Variants in CNOT6 observed in about 807,000 individuals in gnomAD.
The protein encoded by CNOT6 is CCR4-NOT transcription complex subunit 6.
In CNOT6, 12 loss-of-function variants were observed where a neutral mutation model predicts 61.2. The observed-to-expected ratio is 0.20, with a 90% CI of 0.13 to 0.32. The LOEUF (loss-of-function observed/expected upper bound fraction) is 0.32. CNOT6 is among the 10% of genes least tolerant of loss of function. The probability of loss-of-function intolerance (pLI) is 1.00; values close to 1 mark genes in which losing one functional copy is unlikely to be tolerated. For synonymous variants in CNOT6, 225 were observed against 240.6 expected (o/e 0.94, Z 0.60); for missense variants, 405 against 663.9 (o/e 0.61, Z 4.28).
At position 180,564,877 on chromosome 5, in the gene CNOT6, A is replaced by G. The variant is rs1245298829; in HGVS notation, c.559+134A>G. On this transcript the variant is annotated intron_variant, in intron 6 of 11. Transcript: ENST00000261951. ...GTTGGTTTGGTTTGGGAGGTAATAA[A>G]AAAGAATTCTTGCTCACATGACCTC... The G allele has an allele frequency of 7.4e-6, 5 of 678,796 alleles. No homozygotes were observed. The African/African-American group carries it at 9.1e-5, about 12-fold the overall frequency. The allele number at this position is 678,796 out of a possible 1,614,324, so 42.0% of individuals were successfully genotyped here.
intron 2 of CNOT6, among the ~76,000 whole-genome samples, chr5:180,535,450 C>G (rs1400513739): frequency 6.6e-6 from 1 of 152,176 alleles, no homozygotes; most frequent in Non-Finnish European, 1.5e-5. Flanking sequence ...AGGATAACGG[C>G]CTCCAGTTCT....
At chr5:180,558,282 G>A (rs1443044353) in intron 4 of CNOT6, among the ~76,000 whole-genome samples, 1 of 152,136 alleles carries the variant, frequency 6.6e-6, no homozygotes, top group Non-Finnish European at 1.5e-5. Context: ...CGCATGGGAG[G>A]AGAGGGAGAT....
At chr5:180,518,365 A>G (rs149638388) in intron 1 of CNOT6, among the ~76,000 whole-genome samples, 291 of 152,314 alleles carry the variant, frequency 1.9e-3, no homozygotes, top group Non-Finnish European at 3.1e-3. Context: ...CTTTCTTGGT[A>G]TTAGAGCTTG....
intron 1 of CNOT6, among the ~76,000 whole-genome samples, chr5:180,501,296 C>T (rs950199174): frequency 6.6e-6 from 1 of 152,098 alleles, no homozygotes; most frequent in Non-Finnish European, 1.5e-5. Flanking sequence ...GACAGACTAG[C>T]CATGAGCTAT....
chr5:180,566,600 T>C (rs1760469753), intron 7 of CNOT6, among the ~76,000 whole-genome samples: 1 of 151,792 alleles, frequency 6.6e-6, no homozygotes, highest in Admixed American at 6.6e-5. Flanking sequence ...CAAGTCGCTG[T>C]TCCAGTTGGT....
chr5:180,537,441 G>T (rs1009203037), intron 2 of CNOT6, among the ~76,000 whole-genome samples: 3 of 151,666 alleles, frequency 2.0e-5, no homozygotes, highest in Non-Finnish European at 2.9e-5. Flanking sequence ...TTAGGTGTGT[G>T]TTCAAATCTT....
chr5:180,511,983 C>CA (rs1434562293), intron 1 of CNOT6, among the ~76,000 whole-genome samples: 2 of 152,276 alleles, frequency 1.3e-5, no homozygotes, highest in Non-Finnish European at 2.9e-5. Context: ...GCTTGGAACT[C>CA]ATTTCTCTTA....
At chr5:180,559,209 T>G (rs1760049023) in intron 4 of CNOT6, among the ~76,000 whole-genome samples, 1 of 152,188 alleles carries the variant, frequency 6.6e-6, no homozygotes, top group Non-Finnish European at 1.5e-5. Context: ...GAGAGAGAAG[T>G]GTTAAAGTCT....
rs1368742003 is a variant in CNOT6, at chr5:180,553,607, G to T, written c.385+136G>T. 4 of 635,828 alleles carry T rather than the reference G, an allele frequency of 6.3e-6. No homozygotes were observed. In the African/African-American group the frequency reaches 7.4e-5, roughly 12 times the overall value. 39.4% of individuals were successfully genotyped at this position (635,828 alleles called of 1,614,324 possible). ...ACTTCATCAGTTTCTTAGCTATATCGCAATGGTTTTATCTTCTCTGTTCAG... is the reference window on the plus strand; with the variant it reads ...ACTTCATCAGTTTCTTAGCTATATCTCAATGGTTTTATCTTCTCTGTTCAG... On this transcript the variant is annotated intron_variant, in intron 4 of 11. Coordinates refer to ENST00000261951, the MANE Select transcript of CNOT6 (RefSeq NM_001370472.1).
rs761749899 is a variant in CNOT6 at position 180,569,225 on chromosome 5, A to T, written c.1143A>T (p.Ser381=). The T allele has an allele frequency of 1.9e-6, 3 of 1,613,880 alleles. No homozygotes were observed. The highest frequency in any genetic ancestry group is 2.5e-6 in the Non-Finnish European group (3 of 1,179,710). Residue 381 remains serine (S), a synonymous_variant, in exon 10 of 12, where the codon TCA becomes TCT. Coordinates refer to ENST00000261951, the MANE Select transcript of CNOT6 (RefSeq NM_001370472.1). ...VKLVQTMMFL[S]EVKNIIDKAS... is the part of the protein sequence containing the mutation. ...TGGTACAAACTATGATGTTCCTCTC[A>T]GAAGTGAAGAACATTATTGATAAAG...
At chr5:180,567,652 A>G (rs1760531190) in intron 8 of CNOT6, among the ~76,000 whole-genome samples, 197 bp from the exon 9 acceptor site, 1 of 152,240 alleles carries the variant, frequency 6.6e-6, no homozygotes, top group African/African-American at 2.4e-5. Flanking sequence ...TCAAGTTGTT[A>G]TTTGTATCAA....
intron 1 of CNOT6, among the ~76,000 whole-genome samples, chr5:180,517,571 GTC>G (rs761746648): frequency 4.6e-5 from 7 of 151,034 alleles, no homozygotes; most frequent in Middle Eastern, 3.4e-3. Flanking sequence ...TTTTGAGACA[GTC>G]TCTCTCTTTT....
At chr5:180,539,930 ATG>A (rs1758947662) in intron 2 of CNOT6, among the ~76,000 whole-genome samples, 2 of 152,156 alleles carry the variant, frequency 1.3e-5, no homozygotes, top group Admixed American at 1.3e-4. Flanking sequence ...AACTTAGAAG[ATG>A]TGACTCAGGG....
chr5:180,567,835 T>G lies in CNOT6; in HGVS notation c.873-14T>G. ...CAACTCTGTGTGTGTGTGTGTGTGT[T>G]GTTTTTGTTTTAGATTTACTTTGGT... is the stretch of plus-strand genomic sequence containing the variant. On this transcript the variant is annotated splice_polypyrimidine_tract_variant and intron_variant, in intron 8 of 11. Transcript: ENST00000261951. The G allele has an allele frequency of 6.2e-7, 1 of 1,613,932 alleles. No homozygotes were observed. The highest frequency in any genetic ancestry group is 8.5e-7 in the Non-Finnish European group (1 of 1,179,934).
In CNOT6 at chr5:180,497,391, T is replaced by C. The variant is rs191180865; in HGVS notation, c.-3+2628T>C. On this transcript the variant is annotated intron_variant, in intron 1 of 11. Coordinates refer to ENST00000261951, the MANE Select transcript of CNOT6 (RefSeq NM_001370472.1). ...GACATTCCAGTACCTATATTTGCCT[T>C]CTTATATTCTTTAAATGATAAACCT... 3.3e-5 allele frequency among the ~76,000 whole-genome samples: 5 copies of C among 152,154 alleles called. No individual in the cohort carries two copies. The East Asian group carries it at 9.7e-4, about 29-fold the overall frequency.
chr5:180,514,294 C>T (rs1355057228), intron 1 of CNOT6, among the ~76,000 whole-genome samples: 1 of 152,056 alleles, frequency 6.6e-6, no homozygotes, highest in Non-Finnish European at 1.5e-5. Context: ...TGTTGGGGGG[C>T]GCCTGTAATC....
intron 1 of CNOT6, among the ~76,000 whole-genome samples, chr5:180,496,316 A>G (rs770148548): frequency 1.3e-5 from 2 of 152,220 alleles, no homozygotes; most frequent in Non-Finnish European, 2.9e-5. Context: ...AAATACATGA[A>G]CAGCTGCTAA....
chr5:180,526,973 G>A (rs1758129976), intron 1 of CNOT6, among the ~76,000 whole-genome samples: 1 of 151,380 alleles, frequency 6.6e-6, no homozygotes, highest in Non-Finnish European at 1.5e-5. Context: ...TCAACCTCCT[G>A]GGTTCAAGCG....
intron 1 of CNOT6, among the ~76,000 whole-genome samples, chr5:180,515,264 A>G (rs1757582180): frequency 1.3e-5 from 2 of 152,052 alleles, no homozygotes; most frequent in Admixed American, 1.3e-4. Context: ...TACAAAAAAA[A>G]AAAGAAAGAA....
Sources: allele counts gnomAD v4.1 joint callset (sites outside exome capture counted in the v4.1 genomes callset), GRCh38; gene constraint gnomAD v4.1.1; transcripts MANE v1.5; gene names NCBI Gene and HGNC (gene_info 2026-07-23, HGNC 2026-07-21).